SCFD2: variants seen among roughly 807,000 people sequenced by gnomAD.
The protein encoded by SCFD2 is sec1 family domain containing 2.
SCFD2 carries 54 observed loss-of-function variants against 58.9 expected under a neutral mutation model. The ratio of observed to expected loss-of-function variants is 0.92; its 90% CI spans 0.74 to 1.15. The LOEUF (loss-of-function observed/expected upper bound fraction) is 1.15. Among genes scored for constraint, SCFD2 ranks in the 50% most tolerant of loss-of-function variants. SCFD2 has a pLI of 0.00. For missense variants in SCFD2, 805 were observed against 836.6 expected (o/e 0.96, Z 0.47); for synonymous variants, 321 against 335.9 (o/e 0.96, Z 0.49).
intron 4 of SCFD2, among the ~76,000 whole-genome samples, chr4:53,253,543 G>T (rs1221058695): frequency 6.6e-6 from 1 of 151,974 alleles, no homozygotes; most frequent in African/African-American, 2.4e-5. Flanking sequence ...TATACACCAT[G>T]GAATACTATG....
intron 4 of SCFD2, among the ~76,000 whole-genome samples, chr4:53,236,852 A>T (rs371561662): frequency 9.3e-5 from 10 of 107,656 alleles, no homozygotes; most frequent in African/African-American, 1.8e-4. Flanking sequence ...TTATTTATTT[A>T]TTTTTTATTG....
chr4:52,947,912 G>C (rs377421304), intron 5 of SCFD2, among the ~76,000 whole-genome samples: 1 of 45,262 alleles, frequency 2.2e-5, no homozygotes, highest in Non-Finnish European at 4.7e-5. Flanking sequence ...AGTAAACAAA[G>C]AAATCAATAA....
intron 5 of SCFD2, among the ~76,000 whole-genome samples, chr4:52,953,636 T>C (rs1223796888): frequency 6.6e-6 from 1 of 152,200 alleles, no homozygotes; most frequent in Non-Finnish European, 1.5e-5. Context: ...AAGATGAACC[T>C]GAAACTGCTT....
chr4:53,124,625 A>T (rs1390152769), intron 5 of SCFD2, among the ~76,000 whole-genome samples: 3 of 152,232 alleles, frequency 2.0e-5, no homozygotes, highest in Non-Finnish European at 4.4e-5. Context: ...TAAAGAAAGA[A>T]TATTTTTCTA....
At chr4:52,878,370 A>G (rs1214826111) in intron 8 of SCFD2, among the ~76,000 whole-genome samples, 1 of 152,190 alleles carries the variant, frequency 6.6e-6, no homozygotes, top group African/African-American at 2.4e-5. Context: ...TTTCCTCTCC[A>G]TTCGATGAAA....
At chr4:53,042,609 G>A (rs192022763) in intron 5 of SCFD2, among the ~76,000 whole-genome samples, 159 of 152,230 alleles carry the variant, frequency 1.0e-3, no homozygotes, top group African/African-American at 3.5e-3. Context: ...TCTGGAAAAT[G>A]TACATGGAGG....
At chr4:53,118,303 A>G (rs1424214716) in intron 5 of SCFD2, among the ~76,000 whole-genome samples, 1 of 152,228 alleles carries the variant, frequency 6.6e-6, no homozygotes, top group Non-Finnish European at 1.5e-5. Context: ...TGAAATGACC[A>G]GCTCAAGCAG....
intron 1 of SCFD2, among the ~76,000 whole-genome samples, chr4:53,359,363 T>C (rs992794266): frequency 6.6e-6 from 1 of 152,148 alleles, no homozygotes; most frequent in African/African-American, 2.4e-5. Flanking sequence ...GACTGAAAAA[T>C]GTATTTCCTT....
At chr4:53,269,619 T>A (rs1407322611) in intron 4 of SCFD2, among the ~76,000 whole-genome samples, 1 of 152,154 alleles carries the variant, frequency 6.6e-6, no homozygotes, top group Non-Finnish European at 1.5e-5. Flanking sequence ...TTTAAGCAAC[T>A]GATAATTCCT....
At chr4:53,061,752 C>T (rs1359072326) in intron 5 of SCFD2, among the ~76,000 whole-genome samples, 1 of 152,066 alleles carries the variant, frequency 6.6e-6, no homozygotes, top group Non-Finnish European at 1.5e-5. Flanking sequence ...AGGACTTTTT[C>T]CCTGGGGAGT....
chr4:53,338,784 T>C lies in SCFD2; in HGVS notation c.1007+13814A>G, dbSNP rs555528470. 2.3e-4 allele frequency among the ~76,000 whole-genome samples: 35 copies of C among 151,478 alleles called. No homozygotes were observed. In the South Asian group the frequency reaches 4.2e-3, roughly 18 times the overall value. On this transcript the variant is annotated intron_variant, in intron 2 of 8. Coordinates refer to ENST00000401642, the MANE Select transcript of SCFD2 (RefSeq NM_152540.4). ...TTTAGTAGAGACGGGGTTTCACCGTTTTAGCTGGGATGGTCTTGATCTCCT... is the reference window on the plus strand; with the variant it reads ...TTTAGTAGAGACGGGGTTTCACCGTCTTAGCTGGGATGGTCTTGATCTCCT...
chr4:52,951,306 G>A (rs769466116), intron 5 of SCFD2, among the ~76,000 whole-genome samples: 6 of 152,110 alleles, frequency 3.9e-5, no homozygotes, highest in South Asian at 2.1e-4. Flanking sequence ...GCTAAGACAC[G>A]GAGAAGCATA....
chr4:52,913,365 A>T (rs1175995630), intron 6 of SCFD2, among the ~76,000 whole-genome samples: 1 of 152,156 alleles, frequency 6.6e-6, no homozygotes, highest in Non-Finnish European at 1.5e-5. Context: ...CAGATCAGTG[A>T]TGGCTTTAGA....
At chr4:53,028,178 C>T (rs1722525702) in intron 5 of SCFD2, among the ~76,000 whole-genome samples, 2 of 151,906 alleles carry the variant, frequency 1.3e-5, no homozygotes, top group South Asian at 4.2e-4. Context: ...ACCTGGGAGG[C>T]GGAGGTTGCA....
chr4:53,159,348 CT>C (rs1217704656), intron 4 of SCFD2, among the ~76,000 whole-genome samples: 1 of 152,162 alleles, frequency 6.6e-6, no homozygotes, highest in Non-Finnish European at 1.5e-5. Context: ...TGGAATCCAA[CT>C]CAACGCCATC....
intron 5 of SCFD2, among the ~76,000 whole-genome samples, chr4:53,136,145 A>T (rs1463859453): frequency 6.6e-6 from 1 of 152,254 alleles, no homozygotes; most frequent in African/African-American, 2.4e-5. Flanking sequence ...CACATGAATC[A>T]GTAAACCTTT....
chr4:53,107,034 G>A (rs929078772), intron 5 of SCFD2, among the ~76,000 whole-genome samples: 2 of 152,230 alleles, frequency 1.3e-5, no homozygotes, highest in African/African-American at 4.8e-5. Flanking sequence ...TATCTTGGCA[G>A]ACACCCTAAA....
At chr4:53,287,968 G>C (rs1187979126) in intron 3 of SCFD2, among the ~76,000 whole-genome samples, 1 of 152,100 alleles carries the variant, frequency 6.6e-6, no homozygotes, top group Non-Finnish European at 1.5e-5. Context: ...GGCTGGGAAA[G>C]GTAGGTCATG....
intron 5 of SCFD2, among the ~76,000 whole-genome samples, chr4:53,034,808 C>T (rs1722714578): frequency 6.6e-6 from 1 of 152,132 alleles, no homozygotes; most frequent in African/African-American, 2.4e-5. Context: ...CAAACCACTG[C>T]TCAACGAAAT....
Sources: gnomAD v4.1 joint callset for allele counts (sites outside exome capture counted in the v4.1 genomes callset) on GRCh38, gnomAD v4.1.1 for gene constraint, MANE v1.5 for transcripts, NCBI Gene and HGNC (gene_info 2026-07-23, HGNC 2026-07-21) for gene names.